The following PARD3B variants were observed in gnomAD, a reference collection of about 807,000 sequenced individuals.
PARD3B encodes par-3 family cell polarity regulator beta.
A neutral mutation model predicts 130.2 loss-of-function variants in PARD3B; 103 were observed. That is an observed-to-expected ratio of 0.79 (90% confidence interval 0.67 to 0.93). PARD3B has a LOEUF of 0.93. Ranked by LOEUF, PARD3B falls within the 40% of genes least tolerant of loss-of-function variation. The pLI is 0.00. For synonymous variants in PARD3B, 583 were observed against 553.2 expected, an observed-to-expected ratio of 1.05 and a Z score of -0.76; for missense variants, 1,609 against 1,499.2, an observed-to-expected ratio of 1.07 and a Z score of -1.21.
Position 205,125,779 on chromosome 2 carries a change from G to C in PARD3B, c.1434+42G>C, listed in dbSNP as rs1273984935. The C allele has an allele frequency of 1.2e-6, 2 of 1,608,300 alleles. No individual in the cohort carries two copies. Among genetic ancestry groups the C allele is most frequent in the East Asian group, 4.5e-5 (2 of 44,728 alleles). On this transcript the variant is annotated intron_variant, in intron 10 of 22. Coordinates refer to ENST00000406610, the MANE Select transcript of PARD3B (RefSeq NM_001302769.2). This position sits in a 1 kb window ranked among gnomAD's most constrained non-coding sequence, Gnocchi z 4.0. Reference sequence around the variant, plus strand: ...AGTCTCACTGAATTTTTAATGCCGAGCTTAATACACTCAATGAACTCATTA... The same window carrying C: ...AGTCTCACTGAATTTTTAATGCCGACCTTAATACACTCAATGAACTCATTA...
intron 21 of PARD3B, among the ~76,000 whole-genome samples, chr2:205,526,077 C>G (rs567871461): frequency 4.6e-5 from 7 of 152,332 alleles, no homozygotes; most frequent in African/African-American, 1.7e-4. Flanking sequence ...CTGGAATTCC[C>G]TAAACTACAT....
At chr2:205,343,342 G>A (rs1299211894) in intron 18 of PARD3B, among the ~76,000 whole-genome samples, 1 of 152,200 alleles carries the variant, frequency 6.6e-6, no homozygotes, top group Non-Finnish European at 1.5e-5. Context: ...GATAAAAATG[G>A]TGTGACTCTT....
At chr2:204,714,773 C>T (rs954327573) in intron 2 of PARD3B, among the ~76,000 whole-genome samples, 4 of 152,064 alleles carry the variant, frequency 2.6e-5, no homozygotes, top group African/African-American at 9.7e-5. Flanking sequence ...ACAAACACAC[C>T]CAGAATGAAC....
chr2:205,064,258 T>A (rs1343906715), intron 4 of PARD3B, among the ~76,000 whole-genome samples: 2 of 152,156 alleles, frequency 1.3e-5, no homozygotes, highest in Admixed American at 6.5e-5. Context: ...AACATCTACA[T>A]CTTGGGAAGT....
intron 20 of PARD3B, among the ~76,000 whole-genome samples, chr2:205,476,454 C>A (rs745398737): frequency 6.6e-6 from 1 of 152,084 alleles, no homozygotes; most frequent in Admixed American, 6.6e-5. Flanking sequence ...TTCTGAGTAG[C>A]CTGTTACTCT....
intron 2 of PARD3B, among the ~76,000 whole-genome samples, chr2:204,701,789 A>C (rs181205581): frequency 6.6e-6 from 1 of 151,854 alleles, no homozygotes; most frequent in Admixed American, 6.6e-5. Context: ...CGGGTTTGTT[A>C]CCCGAGTATA....
At chr2:205,040,639 T>G (rs1367888410) in intron 3 of PARD3B, among the ~76,000 whole-genome samples, 1 of 152,172 alleles carries the variant, frequency 6.6e-6, no homozygotes, top group African/African-American at 2.4e-5. Flanking sequence ...GAAGAATGTG[T>G]TTTTTTCTAC....
At chr2:205,522,584 G>T (rs2051126173) in intron 21 of PARD3B, among the ~76,000 whole-genome samples, 1 of 118,036 alleles carries the variant, frequency 8.5e-6, no homozygotes, top group Non-Finnish European at 1.8e-5. Context: ...AGTTCCTATA[G>T]TATTATAATT....
chr2:205,554,545 C>G (rs2052795209), intron 22 of PARD3B, among the ~76,000 whole-genome samples: 1 of 152,096 alleles, frequency 6.6e-6, no homozygotes, highest in Non-Finnish European at 1.5e-5. Context: ...GTTTTCTTTT[C>G]TTTAATAGAT....
intron 5 of PARD3B, among the ~76,000 whole-genome samples, chr2:205,109,024 A>G (rs944400791): frequency 2.6e-5 from 4 of 151,614 alleles, no homozygotes; most frequent in Admixed American, 6.6e-5. Flanking sequence ...CTTTTTTATT[A>G]CCTGTCACAA....
At chr2:205,322,889 CTTTTTTTTTTTTTTTTTTTTTTTTTTTT>C (rs71032461) in intron 18 of PARD3B, among the ~76,000 whole-genome samples, 1 of 51,468 alleles carries the variant, frequency 1.9e-5, no homozygotes, top group Non-Finnish European at 3.8e-5. Context: ...ATTAACACCT[CTTTTTTTTTTTTTTTTTTTTTTTTTTTT>C]TTTTTTTTTT....
chr2:205,455,348 AT>A (rs777364411), intron 20 of PARD3B, among the ~76,000 whole-genome samples: 38 of 152,234 alleles, frequency 2.5e-4, no homozygotes, highest in Non-Finnish European at 4.9e-4. Flanking sequence ...GATTACATAT[AT>A]GAGTTCATAT....
chr2:205,528,182 C>A (rs1167227059), intron 21 of PARD3B, among the ~76,000 whole-genome samples: 1 of 152,174 alleles, frequency 6.6e-6, no homozygotes, highest in East Asian at 1.9e-4. Context: ...AAGCCTTCTC[C>A]AGCTGCTCCA....
intron 18 of PARD3B, chr2:205,348,305 A>G (rs2043868772): frequency 6.6e-6 from 1 of 152,264 alleles, no homozygotes; most frequent in African/African-American, 2.4e-5. Flanking sequence ...TTACTGAACA[A>G]CAATTAGAGA....
chr2:204,961,507 T>C (rs188011742), intron 2 of PARD3B, among the ~76,000 whole-genome samples: 3 of 152,246 alleles, frequency 2.0e-5, no homozygotes, highest in Admixed American at 2.0e-4. Context: ...ATTTTTGACA[T>C]GTTAGATTAG....
At chr2:204,586,712 C>G (rs2125088569) in intron 1 of PARD3B, among the ~76,000 whole-genome samples, 1 of 152,278 alleles carries the variant, frequency 6.6e-6, no homozygotes, top group South Asian at 2.1e-4. Flanking sequence ...TTGGCAGAGA[C>G]ACAGCTTGTG....
chr2:204,640,129 C>T (rs189192343), intron 1 of PARD3B, among the ~76,000 whole-genome samples: 2 of 152,168 alleles, frequency 1.3e-5, no homozygotes, highest in East Asian at 3.9e-4. Context: ...TGGTGCATGC[C>T]TGTCATCCCA....
rs537835956 is a variant in PARD3B at position 205,603,425 on chromosome 2, G to C, written c.3261-12031G>C. The stretch of plus-strand genomic sequence containing the variant: ...ATCCTTGTTAATTTTCTGTCTCCAT[G>C]ATCTGTCTAATATTGACAATGGGTT... On this transcript the variant is annotated intron_variant, in intron 22 of 22. Transcript: ENST00000406610. 3.9e-5 allele frequency among the ~76,000 whole-genome samples: 6 copies of C among 152,232 alleles called. No homozygotes were observed. In the South Asian group the frequency reaches 1.2e-3, roughly 32 times the overall value.
chr2:205,113,393 G>GTGTGTGTGTGT lies in PARD3B; in HGVS notation c.594-98_594-97insTGTGTGTGTGT, dbSNP rs1559450786. ...ATTAGTTGATATAATCCTGAGCAGGGGTGTGTGTGTGTGTGTGTGTGTGTG... is the reference window on the plus strand; with the variant it reads ...ATTAGTTGATATAATCCTGAGCAGGGTGTGTGTGTGTGTGTGTGTGTGTGTGTGTGTGTGTG... On this transcript the variant is annotated intron_variant, in intron 5 of 22. Coordinates refer to ENST00000406610, the MANE Select transcript of PARD3B (RefSeq NM_001302769.2). 6.8e-4 allele frequency: 390 copies of GTGTGTGTGTGT among 571,670 alleles called. 4 individuals are homozygous for GTGTGTGTGTGT. The African/African-American group carries it at 8.0e-3, about 12-fold the overall frequency. 35.4% of individuals were successfully genotyped at this position (571,670 alleles called of 1,614,324 possible).
Sources: allele counts gnomAD v4.1 joint callset (sites outside exome capture counted in the v4.1 genomes callset), GRCh38; gene constraint gnomAD v4.1.1; non-coding constraint Gnocchi (gnomAD v3.1); transcripts MANE v1.5; gene names NCBI Gene and HGNC (gene_info 2026-07-23, HGNC 2026-07-21).